Variants in RPS6KC1 observed in about 807,000 individuals in gnomAD.
The protein encoded by RPS6KC1 is ribosomal protein S6 kinase C1, also known as inactive ribosomal protein S6 kinase delta-1.
RPS6KC1 carries 54 observed loss-of-function variants against 103.8 expected under a neutral mutation model. The ratio of observed to expected loss-of-function variants is 0.52; its 90% confidence interval spans 0.42 to 0.65. The LOEUF is 0.65. Among genes scored for constraint, RPS6KC1 ranks in the 30% least tolerant of loss-of-function variants. The probability of loss-of-function intolerance (pLI) is 0.00; values close to 1 mark genes in which losing one functional copy is unlikely to be tolerated. For synonymous variants in RPS6KC1, 439 were observed against 438.7 expected (o/e 1.00, Z -0.01); for missense variants, 1,151 against 1,253.8 (o/e 0.92, Z 1.24).
chr1:213,569,951 C>A, the RPS6KC1 span, among the ~76,000 whole-genome samples: 1 of 152,172 alleles, frequency 6.6e-6, no homozygotes, highest in African/African-American at 2.4e-5. Flanking sequence ...TCATTGTGCT[C>A]TTTGATCGAT....
intron 3 of RPS6KC1, among the ~76,000 whole-genome samples, chr1:213,091,517 T>A (rs1169792663): frequency 6.6e-6 from 1 of 152,238 alleles, no homozygotes; most frequent in Non-Finnish European, 1.5e-5. Context: ...TCCGTTGGTC[T>A]GTCTTAGATT....
At chr1:213,284,511 G>GA in the RPS6KC1 span, among the ~76,000 whole-genome samples, 3,173 of 118,500 alleles carry the variant, frequency 0.027, 44 homozygotes, top group Non-Finnish European at 0.039. Flanking sequence ...CTTGGTCTCA[G>GA]AAAAAAAAAA....
chr1:213,850,352 G>A, the RPS6KC1 span, among the ~76,000 whole-genome samples: 7 of 152,160 alleles, frequency 4.6e-5, no homozygotes, highest in Admixed American at 4.6e-4. Flanking sequence ...AGACCTACCA[G>A]GACACTGTGT....
chr1:213,166,098 A>T (rs775072203), intron 6 of RPS6KC1, among the ~76,000 whole-genome samples: 95 of 151,900 alleles, frequency 6.3e-4, no homozygotes, highest in Non-Finnish European at 6.6e-4. Context: ...ATATCTTGAC[A>T]TTTCGAATTC....
the RPS6KC1 span, among the ~76,000 whole-genome samples, chr1:213,724,460 G>A: frequency 6.6e-6 from 1 of 152,200 alleles, no homozygotes; most frequent in South Asian, 2.1e-4. Context: ...CACTTGTCTC[G>A]CCAATACAAA....
At chr1:213,388,997 G>T in the RPS6KC1 span, among the ~76,000 whole-genome samples, 6 of 152,232 alleles carry the variant, frequency 3.9e-5, no homozygotes, top group Admixed American at 1.3e-4. Flanking sequence ...CATAGAGAGG[G>T]GGTTTGGGTA....
chr1:213,514,910 T>C, the RPS6KC1 span, among the ~76,000 whole-genome samples: 2 of 152,224 alleles, frequency 1.3e-5, no homozygotes, highest in African/African-American at 4.8e-5. Flanking sequence ...TACTTTTTAA[T>C]GATCGCCATT....
At chr1:213,522,698 T>C in the RPS6KC1 span, among the ~76,000 whole-genome samples, 4 of 152,244 alleles carry the variant, frequency 2.6e-5, no homozygotes, top group African/African-American at 9.6e-5. Flanking sequence ...TTTTATGTTA[T>C]GGAGATGGCT....
chr1:213,197,346 T>G (rs2092989784), intron 8 of RPS6KC1, among the ~76,000 whole-genome samples: 1 of 152,180 alleles, frequency 6.6e-6, no homozygotes, highest in South Asian at 2.1e-4. Context: ...TTGGTGGGAA[T>G]TGCACTGAAT....
In RPS6KC1 at chr1:213,241,076, T is replaced by A. The variant is rs558135115; in HGVS notation, c.1600T>A (p.Phe534Ile). Residue 534 changes from phenylalanine (F) to isoleucine (I), a missense_variant, in exon 11 of 15, where the codon TTC becomes ATC. By Grantham distance (21) the Phe-to-Ile change is conservative. This residue lies in a region of RPS6KC1 where 959 missense variants were observed against 1,006.3 expected (regional missense o/e 0.95). Transcript: ENST00000366960. ...IEPGSLNEEP[F>I]MKTEGNGVDT... is the part of the protein sequence containing the mutation. ...ACCAGGGTCTTTGAATGAGGAGCCC[T>A]TCATGAAGACTGAAGGGAATGGTGT... The A allele has an allele frequency of 3.1e-6, 5 of 1,613,560 alleles. No homozygotes were observed. The highest frequency in any genetic ancestry group is 1.6e-4 in the Middle Eastern group (1 of 6,062).
the RPS6KC1 span, among the ~76,000 whole-genome samples, chr1:213,370,129 C>T: frequency 2.0e-5 from 3 of 152,100 alleles, no homozygotes; most frequent in Admixed American, 2.0e-4. Flanking sequence ...AGATGCTGTG[C>T]AAAAGACAGG....
chr1:213,747,913 G>T, the RPS6KC1 span, among the ~76,000 whole-genome samples: 1 of 152,180 alleles, frequency 6.6e-6, no homozygotes, highest in Non-Finnish European at 1.5e-5. Context: ...CTTAATTATG[G>T]TATGGACAAT....
chr1:213,765,210 C>T, the RPS6KC1 span, among the ~76,000 whole-genome samples: 2 of 152,144 alleles, frequency 1.3e-5, no homozygotes, highest in African/African-American at 4.8e-5. Flanking sequence ...CCTTCTTGGG[C>T]GGTGACTGTT....
At chr1:213,609,499 G>A in the RPS6KC1 span, among the ~76,000 whole-genome samples, 1 of 152,128 alleles carries the variant, frequency 6.6e-6, no homozygotes, top group Admixed American at 6.5e-5. Flanking sequence ...TTGAGTCGGG[G>A]CGTGCAAACC....
intron 12 of RPS6KC1, among the ~76,000 whole-genome samples, chr1:213,248,654 A>G (rs2094495212): frequency 6.6e-6 from 1 of 152,202 alleles, no homozygotes; most frequent in African/African-American, 2.4e-5. Context: ...TTAAAGGATC[A>G]CTTTAGGAGG....
chr1:213,187,904 G>T (rs76689850), intron 8 of RPS6KC1, among the ~76,000 whole-genome samples: 4,334 of 151,986 alleles, frequency 0.029, 90 homozygotes, highest in Middle Eastern at 0.092. Flanking sequence ...CCTCTTTTTA[G>T]CTCTAGGAGG....
chr1:213,594,010 C>T, the RPS6KC1 span, among the ~76,000 whole-genome samples: 4 of 152,072 alleles, frequency 2.6e-5, no homozygotes, highest in South Asian at 2.1e-4. Context: ...GGATTACAGG[C>T]GTGCACCACC....
At chr1:213,353,673 C>T in the RPS6KC1 span, among the ~76,000 whole-genome samples, 1 of 152,320 alleles carries the variant, frequency 6.6e-6, no homozygotes, top group South Asian at 2.1e-4. Context: ...TTCTTTCAGG[C>T]TGACTGCATA....
chr1:213,797,241 A>G, the RPS6KC1 span, among the ~76,000 whole-genome samples: 1 of 152,246 alleles, frequency 6.6e-6, no homozygotes, highest in Admixed American at 6.5e-5. Context: ...CTACTCTCTT[A>G]TAATTTGAAG....
Sources: gnomAD v4.1 joint callset for allele counts (sites outside exome capture counted in the v4.1 genomes callset) on GRCh38, gnomAD v4.1.1 for gene constraint, gnomAD v4.1.1 regional missense constraint, MANE v1.5 for transcripts, NCBI Gene and HGNC (gene_info 2026-07-23, HGNC 2026-07-21) for gene names.